The following EYS variants were observed in gnomAD, a reference collection of about 807,000 sequenced individuals.
EYS encodes EGF-like photoreceptor maintenance factor, also known as protein eyes shut homolog.
In EYS, 250 loss-of-function variants were observed where a neutral mutation model predicts 282.1. The observed-to-expected ratio is 0.89, with a 90% CI of 0.80 to 0.98. EYS has a LOEUF of 0.98. Ranked by LOEUF, EYS falls within the 50% of genes least tolerant of loss-of-function variation. EYS has a pLI of 0.00. For synonymous variants in EYS, 1,355 were observed against 1,282.9 expected (o/e 1.06, Z -1.20); for missense variants, 4,016 against 3,709.0 (o/e 1.08, Z -2.15).
intron 12 of EYS, among the ~76,000 whole-genome samples, chr6:65,262,067 A>G (rs2150258805): frequency 6.6e-6 from 1 of 152,204 alleles, no homozygotes; most frequent in African/African-American, 2.4e-5. Flanking sequence ...GTTGAGATTT[A>G]TCCTGTATCC....
intron 22 of EYS, among the ~76,000 whole-genome samples, chr6:64,633,775 T>C (rs921729657): frequency 2.0e-5 from 3 of 152,058 alleles, no homozygotes; most frequent in Non-Finnish European, 4.4e-5. Context: ...AAGAGGCCCA[T>C]GTGGAAAAGA....
chr6:65,063,816 T>C (rs1462909849), intron 12 of EYS, among the ~76,000 whole-genome samples: 1 of 151,980 alleles, frequency 6.6e-6, no homozygotes, highest in Non-Finnish European at 1.5e-5. Context: ...TAGTTTACAG[T>C]ACAGCTAAAC....
At chr6:65,680,392 T>A (rs1179474936) in intron 1 of EYS, among the ~76,000 whole-genome samples, 2 of 151,884 alleles carry the variant, frequency 1.3e-5, no homozygotes, top group East Asian at 3.9e-4. Flanking sequence ...AGCAAAAAAA[T>A]TTAATTTTGA....
chr6:65,270,696 T>G (rs1421185898), intron 12 of EYS, among the ~76,000 whole-genome samples: 1 of 152,058 alleles, frequency 6.6e-6, no homozygotes, highest in Non-Finnish European at 1.5e-5. Context: ...GTTTCTTCAA[T>G]TAAATATTAA....
At chr6:64,719,933 C>T (rs1771520134) in intron 22 of EYS, among the ~76,000 whole-genome samples, 1 of 152,122 alleles carries the variant, frequency 6.6e-6, no homozygotes. Context: ...AACTCCAAGT[C>T]TTGCCGTTAG....
At chr6:65,622,138 T>C (rs1275993588) in intron 2 of EYS, among the ~76,000 whole-genome samples, 1 of 152,212 alleles carries the variant, frequency 6.6e-6, no homozygotes, top group Non-Finnish European at 1.5e-5. Flanking sequence ...GAATCGTTTG[T>C]CCTTCTCAGC....
chr6:64,200,583 GT>G (rs1457653305), intron 31 of EYS, among the ~76,000 whole-genome samples: 1 of 152,104 alleles, frequency 6.6e-6, no homozygotes, highest in African/African-American at 2.4e-5. Flanking sequence ...CCTCAGATCT[GT>G]TGGAAATGAG....
intron 11 of EYS, among the ~76,000 whole-genome samples, chr6:65,333,938 C>T (rs1769887542): frequency 6.6e-6 from 1 of 151,058 alleles, no homozygotes; most frequent in South Asian, 2.1e-4. Flanking sequence ...TTACTTTCAG[C>T]TTATTTGTAT....
chr6:64,999,301 A>T (rs1771378595), intron 13 of EYS, among the ~76,000 whole-genome samples: 1 of 152,262 alleles, frequency 6.6e-6, no homozygotes. Flanking sequence ...TTTGTTAACC[A>T]CGGGGCTATG....
In EYS at chr6:65,495,329, A is replaced by C. The variant is rs761124392; in HGVS notation, c.82T>G (p.Leu28Val). ...GGTTGTGGATGCCATTCTTCCACCAATTGCCGTCTACATGTTTTTCCATTT... is the reference window on the plus strand; with the variant it reads ...GGTTGTGGATGCCATTCTTCCACCACTTGCCGTCTACATGTTTTTCCATTT... ...FINGKTCRRQ[L>V]VEEWHPQPSS... The change falls in exon 4 of 43, where the codon TTG (leucine) becomes GTG (valine). Residue 28 changes from leucine (L) to valine (V), a missense_variant. Leu to Val is a conservative substitution (Grantham distance 32, BLOSUM62 1). Transcript: ENST00000503581. The C allele has an allele frequency of 6.2e-7, 1 of 1,613,816 alleles. No individual in the cohort carries two copies. Among genetic ancestry groups the C allele is most frequent in the African/African-American group, 1.3e-5 (1 of 74,934 alleles).
chr6:63,943,969 G>A (rs1192794822), intron 35 of EYS, among the ~76,000 whole-genome samples: 2 of 152,192 alleles, frequency 1.3e-5, no homozygotes, highest in Non-Finnish European at 2.9e-5. Flanking sequence ...CACATGCTGT[G>A]AAGACCATCT....
At chr6:64,927,522 CA>C (rs143937587) in intron 15 of EYS, among the ~76,000 whole-genome samples, 1,551 of 152,108 alleles carry the variant, frequency 0.01, 13 homozygotes, top group African/African-American at 0.036. Flanking sequence ...AAATTTATGT[CA>C]AAACTCCCCA....
chr6:63,959,075 C>T (rs1032728033), intron 35 of EYS, among the ~76,000 whole-genome samples: 1 of 152,126 alleles, frequency 6.6e-6, no homozygotes, highest in African/African-American at 2.4e-5. Context: ...TCATAGTGAA[C>T]AGGCATCGTA....
intron 19 of EYS, among the ~76,000 whole-genome samples, chr6:64,837,466 A>C (rs1017094519): frequency 2.0e-5 from 3 of 151,316 alleles, no homozygotes; most frequent in African/African-American, 7.3e-5. Context: ...AATAGTACTG[A>C]CAGTTCTGGT....
At chr6:63,844,318 G>A (rs1326977139) in intron 36 of EYS, among the ~76,000 whole-genome samples, 2 of 152,106 alleles carry the variant, frequency 1.3e-5, no homozygotes, top group East Asian at 1.9e-4. Flanking sequence ...ATGAACATAC[G>A]CATGCAAGCA....
At chr6:64,843,593 C>T (rs1272203293) in intron 19 of EYS, among the ~76,000 whole-genome samples, 1 of 152,136 alleles carries the variant, frequency 6.6e-6, no homozygotes, top group East Asian at 1.9e-4. Context: ...CAATTTCTCC[C>T]ATTTGGAATA....
chr6:63,880,639 G>T (rs1428405705), intron 35 of EYS, among the ~76,000 whole-genome samples: 1 of 152,174 alleles, frequency 6.6e-6, no homozygotes, highest in East Asian at 1.9e-4. Context: ...TTTTCCTGAA[G>T]AAGGAACTAC....
At chr6:63,775,203 C>T (rs748664959) in intron 40 of EYS, among the ~76,000 whole-genome samples, 2 of 152,252 alleles carry the variant, frequency 1.3e-5, no homozygotes, top group Middle Eastern at 3.4e-3. Flanking sequence ...ATCACTTCAC[C>T]AGGGTCCTGA....
chr6:65,576,858 C>T (rs1364753263), intron 2 of EYS, among the ~76,000 whole-genome samples: 2 of 151,420 alleles, frequency 1.3e-5, no homozygotes, highest in African/African-American at 4.8e-5. Flanking sequence ...TAAATTTAAA[C>T]AAAGAAATGA....
Sources: gnomAD v4.1 joint callset for allele counts (sites outside exome capture counted in the v4.1 genomes callset) on GRCh38, gnomAD v4.1.1 for gene constraint, MANE v1.5 for transcripts, NCBI Gene and HGNC (gene_info 2026-07-23, HGNC 2026-07-21) for gene names.